PLXNA2: variants seen among roughly 807,000 people sequenced by gnomAD.
The protein encoded by PLXNA2 is plexin-A2.
PLXNA2 carries 91 observed loss-of-function variants against 193.5 expected under a neutral mutation model. The ratio of observed to expected loss-of-function variants is 0.47; its 90% CI spans 0.40 to 0.56. The LOEUF is 0.56. PLXNA2 is among the 20% of genes least tolerant of loss of function. The probability of loss-of-function intolerance (pLI) is 0.00; values close to 1 mark genes in which losing one functional copy is unlikely to be tolerated. For synonymous variants in PLXNA2, 997 were observed against 1,027.3 expected, an observed-to-expected ratio of 0.97 and a Z score of 0.56; for missense variants, 1,995 against 2,503.2, an observed-to-expected ratio of 0.80 and a Z score of 4.33.
At chr1:208,067,035 G>C (rs1426144183) in intron 12 of PLXNA2, among the ~76,000 whole-genome samples, 1 of 152,178 alleles carries the variant, frequency 6.6e-6, no homozygotes, top group Non-Finnish European at 1.5e-5. Context: ...AAAAAATTAA[G>C]TCTATAAAGT....
At chr1:208,210,185 C>A in intron 3 of PLXNA2, 95 bp downstream of exon 3, 1 of 1,357,586 alleles carries the variant, frequency 7.4e-7, no homozygotes. Flanking sequence ...ATAAAGTTGC[C>A]TATAGTTAAA....
At chr1:208,159,393 A>G (rs1290160115) in intron 3 of PLXNA2, among the ~76,000 whole-genome samples, 1 of 152,026 alleles carries the variant, frequency 6.6e-6, no homozygotes, top group African/African-American at 2.4e-5. Context: ...AAAGCACACA[A>G]CTCCCTCAAA....
chr1:208,039,206 C>G (rs531200350), intron 24 of PLXNA2, among the ~76,000 whole-genome samples: 3 of 152,168 alleles, frequency 2.0e-5, no homozygotes, highest in African/African-American at 7.2e-5. Context: ...AGCACCAGGA[C>G]TCTACTTTCT....
chr1:208,173,828 C>A (rs923335074), intron 3 of PLXNA2, among the ~76,000 whole-genome samples: 2 of 152,230 alleles, frequency 1.3e-5, no homozygotes, highest in Non-Finnish European at 2.9e-5. Flanking sequence ...GTCTGACCTG[C>A]AGAAGGATGA....
chr1:208,177,699 TG>T (rs1669701906), intron 3 of PLXNA2, among the ~76,000 whole-genome samples: 1 of 152,230 alleles, frequency 6.6e-6, no homozygotes, highest in Admixed American at 6.5e-5. Context: ...GTCTAACCAA[TG>T]GGCTGTAGAA....
chr1:208,125,447 C>T (rs1667945750), intron 4 of PLXNA2, among the ~76,000 whole-genome samples: 1 of 152,150 alleles, frequency 6.6e-6, no homozygotes, highest in Admixed American at 6.5e-5. Flanking sequence ...CAGAATTTAC[C>T]CCTTGGTTCA....
intron 1 of PLXNA2, among the ~76,000 whole-genome samples, chr1:208,221,335 T>G (rs920202529): frequency 6.6e-6 from 1 of 151,080 alleles, no homozygotes; most frequent in African/African-American, 2.4e-5. Flanking sequence ...GGTTTTTTGC[T>G]CCAACCTGGA....
chr1:208,180,774 G>A (rs903122138), intron 3 of PLXNA2, among the ~76,000 whole-genome samples: 1 of 152,186 alleles, frequency 6.6e-6, no homozygotes, highest in Non-Finnish European at 1.5e-5. Flanking sequence ...ATGAGTATTC[G>A]CTGTCATTGC....
rs148071252 is a variant in PLXNA2 at position 208,089,276 on chromosome 1, C to T, written c.2097+3510G>A. On this transcript the variant is annotated intron_variant, in intron 9 of 31. Coordinates refer to ENST00000367033, the MANE Select transcript of PLXNA2 (RefSeq NM_025179.4). ...GTGCTGGCCCATCCATAGCCTGAAT[C>T]CTCATGACCAATAGCAAAGGACCAG... 2.7e-3 allele frequency among the ~76,000 whole-genome samples: 412 copies of T among 152,276 alleles called. 4 individuals carry two copies. The highest frequency in any genetic ancestry group is 9.5e-3 in the African/African-American group (395 of 41,540).
chr1:208,165,240 T>G (rs1459341963), intron 3 of PLXNA2, among the ~76,000 whole-genome samples: 1 of 152,166 alleles, frequency 6.6e-6, no homozygotes, highest in Non-Finnish European at 1.5e-5. Context: ...ATCTTATAGC[T>G]TATGTTCTCT....
In PLXNA2 at chr1:208,217,816, G is replaced by C; in HGVS notation, c.107C>G (p.Pro36Arg). 6.2e-7 allele frequency: 1 copy of C among 1,614,162 alleles called. No homozygotes were observed. Among genetic ancestry groups the C allele is most frequent in the East Asian group, 2.2e-5 (1 of 44,876 alleles). ...CTCAGAGTGGAAGGTGCTGAACTGA[G>C]GCATGCCGGCTGCTGGGGGGGCCAG... Reference protein sequence around the residue: ...VLLAPPAAGMPQFSTFHSENR... With the variant: ...VLLAPPAAGMRQFSTFHSENR... The change falls in exon 2 of 32, where the codon CCT becomes CGT. Residue 36 changes from proline to arginine, a missense_variant. By Grantham distance (103) the Pro-to-Arg change is moderately radical. Coordinates refer to ENST00000367033, the MANE Select transcript of PLXNA2 (RefSeq NM_025179.4). The surrounding 1 kb of genome is among the most constrained non-coding windows in gnomAD (Gnocchi z 4.7).
At chr1:208,043,649 T>C (rs774911868) in intron 20 of PLXNA2, among the ~76,000 whole-genome samples, 10 of 152,168 alleles carry the variant, frequency 6.6e-5, no homozygotes, top group Non-Finnish European at 1.2e-4. Context: ...GACGCTCAGC[T>C]GAGAGCCGAG....
At chr1:208,196,222 C>T (rs1670354663) in intron 3 of PLXNA2, among the ~76,000 whole-genome samples, 1 of 152,120 alleles carries the variant, frequency 6.6e-6, no homozygotes, top group Non-Finnish European at 1.5e-5. Flanking sequence ...CAACAGGAAT[C>T]CCATCCCTGC....
intron 1 of PLXNA2, among the ~76,000 whole-genome samples, chr1:208,243,062 C>G (rs1337761480): frequency 1.3e-5 from 2 of 152,166 alleles, no homozygotes; most frequent in Non-Finnish European, 2.9e-5. Flanking sequence ...ACACTTAGAC[C>G]CATTCAGTGC....
intron 3 of PLXNA2, among the ~76,000 whole-genome samples, chr1:208,197,713 C>T (rs12060074): frequency 2.0e-3 from 312 of 152,332 alleles, no homozygotes; most frequent in African/African-American, 7.0e-3. Context: ...CCTAAACTGA[C>T]TCCCATTAGG....
In PLXNA2 at chr1:208,185,696, CAAAAAAA is replaced by C. The variant is rs56384277; in HGVS notation, c.1371+24577_1371+24583del. Among the ~76,000 whole-genome samples, 21 of 57,268 alleles carry C rather than the reference CAAAAAAA, an allele frequency of 3.7e-4. No homozygotes were observed. In the East Asian group the frequency reaches 4.2e-3, roughly 12 times the overall value. 37.6% of individuals were successfully genotyped at this position (57,268 alleles called of 152,430 possible). A position where few individuals can be genotyped will look rare whatever the true frequency, so the allele number is the denominator to read the frequency against. On this transcript the variant is annotated intron_variant, in intron 3 of 31. Transcript: ENST00000367033. Reference sequence around the variant, plus strand: ...TTTATTCCTTGTTGGTCTCTGAAAGCAAAAAAAAAAAAAAAAAAAAAAGGAAAAAAAA... The same window carrying C: ...TTTATTCCTTGTTGGTCTCTGAAAGCAAAAAAAAAAAAAAAGGAAAAAAAA...
At chr1:208,222,740 A>G (rs1321047237) in intron 1 of PLXNA2, among the ~76,000 whole-genome samples, 1 of 152,180 alleles carries the variant, frequency 6.6e-6, no homozygotes, top group Non-Finnish European at 1.5e-5. Context: ...ACATGCCTCT[A>G]CGTTTCCACT....
chr1:208,033,368 C>A lies in PLXNA2; in HGVS notation c.5006G>T (p.Gly1669Val), dbSNP rs754683785. ...GTAGATCTCGGACACCATCTTGCTG[C>A]CCCGGTCACCCTCCTTCTGGTCACC... ...DHGDQKEGDR[G>V]SKMVSEIYLT... Residue 1669 changes from glycine (G) to valine (V), a missense_variant, in exon 28 of 32, where the codon GGC (glycine) becomes GTC (valine). Gly to Val is a moderately radical substitution (Grantham distance 109). Coordinates refer to ENST00000367033, the MANE Select transcript of PLXNA2 (RefSeq NM_025179.4). The A allele has an allele frequency of 1.9e-6, 3 of 1,611,534 alleles. No homozygotes were observed. The highest frequency in any genetic ancestry group is 2.5e-6 in the Non-Finnish European group (3 of 1,179,202).
At chr1:208,215,286 G>A (rs1277054942) in intron 2 of PLXNA2, among the ~76,000 whole-genome samples, 4 of 152,100 alleles carry the variant, frequency 2.6e-5, no homozygotes, top group South Asian at 4.1e-4. Context: ...GTGAGCCACC[G>A]CACCCAGCCG....
Sources: allele counts gnomAD v4.1 joint callset (sites outside exome capture counted in the v4.1 genomes callset), GRCh38; gene constraint gnomAD v4.1.1; non-coding constraint Gnocchi (gnomAD v3.1); transcripts MANE v1.5; gene names NCBI Gene and HGNC (gene_info 2026-07-23, HGNC 2026-07-21).